PKHD1L1: variants seen among roughly 807,000 people sequenced by gnomAD.
The protein encoded by PKHD1L1 is PKHD1 like 1, also known as fibrocystin-L.
PKHD1L1 carries 434 observed loss-of-function variants against 462.9 expected under a neutral mutation model. The observed-to-expected ratio is 0.94, with a 90% CI of 0.87 to 1.02. The LOEUF is 1.02. PKHD1L1 is among the 50% of genes least tolerant of loss of function. The pLI is 0.00. For missense variants in PKHD1L1, 5,202 were observed against 5,096.1 expected (o/e 1.02, Z -0.63); for synonymous variants, 1,781 against 1,750.0 (o/e 1.02, Z -0.44).
intron 17 of PKHD1L1, among the ~76,000 whole-genome samples, chr8:109,407,586 T>A (rs558000826): frequency 2.6e-4 from 40 of 152,290 alleles, no homozygotes; most frequent in African/African-American, 8.2e-4. Context: ...CTAAGTGGCA[T>A]GGTATGAACA....
At chr8:109,504,735 A>G (rs1446483163) in intron 68 of PKHD1L1, among the ~76,000 whole-genome samples, 1 of 152,200 alleles carries the variant, frequency 6.6e-6, no homozygotes, top group East Asian at 1.9e-4. Flanking sequence ...TGAATCATCA[A>G]TAACATCATC....
intron 41 of PKHD1L1, among the ~76,000 whole-genome samples, chr8:109,451,397 T>C (rs1044530545): frequency 1.3e-5 from 2 of 152,216 alleles, no homozygotes; most frequent in African/African-American, 4.8e-5. Context: ...CCTCGTTTTA[T>C]GGTTAGAAGA....
chr8:109,451,110 C>A lies in PKHD1L1; in HGVS notation c.6311C>A (p.Ala2104Glu), dbSNP rs376199434. 7.2e-5 allele frequency: 116 copies of A among 1,612,412 alleles called. No homozygotes were observed. The highest frequency in any genetic ancestry group is 9.6e-5 in the Non-Finnish European group (113 of 1,179,024). The stretch of plus-strand genomic sequence containing the variant: ...GTATCTCCTAAGAGAGGCAGTACAG[C>A]AGGGGGCACCAGACTGACAGTCGTG... ...TAVSPKRGST[A>E]GGTRLTVVGS... Residue 2104 changes from alanine to glutamate, a missense_variant, in exon 41 of 78, where the codon GCA (alanine) becomes GAA (glutamate). Physicochemically the swap from Ala to Glu is moderately radical, Grantham distance 107. Coordinates refer to ENST00000378402, the MANE Select transcript of PKHD1L1 (RefSeq NM_177531.6).
chr8:109,499,089 C>T (rs1345502696), intron 67 of PKHD1L1: 1 of 224,600 alleles, frequency 4.5e-6, no homozygotes, highest in African/African-American at 2.3e-5. Context: ...TATTATCATC[C>T]CTTTTTAAAA....
At chr8:109,373,454 A>G (rs778499617) in intron 2 of PKHD1L1, among the ~76,000 whole-genome samples, 1 of 150,490 alleles carries the variant, frequency 6.6e-6, no homozygotes, top group Non-Finnish European at 1.5e-5. Flanking sequence ...TCAAAAAACC[A>G]GCTCCTGGAT....
At chr8:109,381,794 T>A (rs1471510605) in intron 3 of PKHD1L1, among the ~76,000 whole-genome samples, 4 of 152,136 alleles carry the variant, frequency 2.6e-5, no homozygotes, top group African/African-American at 9.7e-5. Flanking sequence ...ACTATTTAAT[T>A]GTAATGATGT....
At chr8:109,470,248 C>G (rs1398543159) in intron 50 of PKHD1L1, 12 of 1,372,102 alleles carry the variant, frequency 8.7e-6, no homozygotes, top group African/African-American at 2.9e-5. Flanking sequence ...CTCAGATCAT[C>G]ATGAAAACAA....
chr8:109,436,692 A>G (rs371003739), intron 30 of PKHD1L1, among the ~76,000 whole-genome samples: 1 of 152,214 alleles, frequency 6.6e-6, no homozygotes, highest in Non-Finnish European at 1.5e-5. Flanking sequence ...AGACACATAA[A>G]CTAATATTAA....
At chr8:109,495,831 T>C (rs1318177762) in intron 63 of PKHD1L1, among the ~76,000 whole-genome samples, 1 of 152,118 alleles carries the variant, frequency 6.6e-6, no homozygotes, top group Non-Finnish European at 1.5e-5. Context: ...GGTGCTGCTC[T>C]TTATAGACAA....
chr8:109,414,656 C>T (rs1443764102), intron 21 of PKHD1L1, among the ~76,000 whole-genome samples: 1 of 151,954 alleles, frequency 6.6e-6, no homozygotes, highest in African/African-American at 2.4e-5. Flanking sequence ...CTATTTTCTT[C>T]CCATCGTAGA....
intron 61 of PKHD1L1, 23 bp from the exon 62 acceptor site, chr8:109,491,850 T>G (rs967205854): frequency 2.6e-6 from 4 of 1,529,462 alleles, no homozygotes; most frequent in Non-Finnish European, 3.5e-6. Context: ...GGATTTTCTT[T>G]CTTTTTTTCT....
intron 12 of PKHD1L1, among the ~76,000 whole-genome samples, chr8:109,399,123 G>T (rs192593052): frequency 6.6e-6 from 1 of 151,946 alleles, no homozygotes; most frequent in Non-Finnish European, 1.5e-5. Flanking sequence ...GTTTATAATC[G>T]TGTCATTGTT....
In PKHD1L1 at chr8:109,531,517, A is replaced by G. The variant is rs1821041989; in HGVS notation, c.*1427A>G. ...AGAGAGATAGATAGAGAGAGAGAGA[A>G]AGCATGAGGTTGCTAGCAATATGGA... On this transcript the variant is annotated 3_prime_UTR_variant, in exon 78 of 78. Transcript: ENST00000378402. 6.6e-6 allele frequency among the ~76,000 whole-genome samples: 1 copy of G among 151,690 alleles called. No individual in the cohort carries two copies.
chr8:109,495,822 G>A (rs1284909863), intron 63 of PKHD1L1, among the ~76,000 whole-genome samples: 1 of 152,090 alleles, frequency 6.6e-6, no homozygotes, highest in East Asian at 1.9e-4. Flanking sequence ...TTAGGAGGTG[G>A]TGCTGCTCTT....
chr8:109,379,363 T>C (rs143613219), intron 2 of PKHD1L1, among the ~76,000 whole-genome samples: 2 of 152,318 alleles, frequency 1.3e-5, no homozygotes, highest in African/African-American at 4.8e-5. Flanking sequence ...TAGAATTCCA[T>C]AAAATATTGC....
At position 109,485,026 on chromosome 8, in the gene PKHD1L1, C is replaced by A. The variant is rs1205742361; in HGVS notation, c.9577-18C>A. On this transcript the variant is annotated intron_variant, in intron 57 of 77. Transcript: ENST00000378402. ...TTTTTAAAATTGTTCTTAAATTTGG[C>A]ACTTGAATTTTTCTAAGGAGGGAGA... 2 of 1,554,752 alleles carry A rather than the reference C, an allele frequency of 1.3e-6. No homozygotes were observed. The highest frequency in any genetic ancestry group is 1.2e-5 in the South Asian group (1 of 80,028).
chr8:109,456,247 G>A lies in PKHD1L1; in HGVS notation c.6875-15G>A. 1 of 1,607,804 alleles carries A rather than the reference G, an allele frequency of 6.2e-7. No individual in the cohort carries two copies. Among genetic ancestry groups the A allele is most frequent in the African/African-American group, 1.3e-5 (1 of 74,722 alleles). ...ACACATGTAAGGAAATACTCAGTGTGTATGTTGGTTCTAGGTGTGCCTGTT... is the reference window on the plus strand; with the variant it reads ...ACACATGTAAGGAAATACTCAGTGTATATGTTGGTTCTAGGTGTGCCTGTT... On this transcript the variant is annotated splice_polypyrimidine_tract_variant and intron_variant, in intron 45 of 77. Transcript: ENST00000378402.
rs1433239688 is a variant in PKHD1L1 at position 109,531,846 on chromosome 8, T to A, written c.*1756T>A. Among the ~76,000 whole-genome samples the A allele has an allele frequency of 6.6e-6, 1 of 151,942 alleles. No individual in the cohort carries two copies. Among genetic ancestry groups the A allele is most frequent in the Non-Finnish European group, 1.5e-5 (1 of 67,976 alleles). On this transcript the variant is annotated 3_prime_UTR_variant, in exon 78 of 78. Coordinates refer to ENST00000378402, the MANE Select transcript of PKHD1L1 (RefSeq NM_177531.6). ...TCCAACCCTGGTGGGGTGAAAAACC[T>A]CTGTTCCTGGGATAGGGAGGGGGAA... is the stretch of plus-strand genomic sequence containing the variant.
chr8:109,367,563 T>C (rs954424051), intron 2 of PKHD1L1, among the ~76,000 whole-genome samples: 1 of 152,246 alleles, frequency 6.6e-6, no homozygotes, highest in African/African-American at 2.4e-5. Context: ...CTTGTAAACA[T>C]TTGCCACAGC....
Sources: allele counts gnomAD v4.1 joint callset (sites outside exome capture counted in the v4.1 genomes callset), GRCh38; gene constraint gnomAD v4.1.1; transcripts MANE v1.5; gene names NCBI Gene and HGNC (gene_info 2026-07-23, HGNC 2026-07-21).